The following EPM2A variants were observed in gnomAD, a reference collection of about 807,000 sequenced individuals.
EPM2A encodes the protein EPM2A glucan phosphatase, laforin, also known as laforin.
A neutral mutation model predicts 26.5 loss-of-function variants in EPM2A; 21 were observed. That is an observed-to-expected ratio of 0.79 (90% confidence interval 0.56 to 1.14). The LOEUF (loss-of-function observed/expected upper bound fraction) is 1.14. Among genes scored for constraint, EPM2A ranks in the 50% most tolerant of loss-of-function variants. The probability of loss-of-function intolerance (pLI) is 0.00; values close to 1 mark genes in which losing one functional copy is unlikely to be tolerated. For synonymous variants in EPM2A, 217 were observed against 177.6 expected (o/e 1.22, Z -1.76); for missense variants, 458 against 440.8 (o/e 1.04, Z -0.35).
At chr6:145,671,375 G>T in intron 2 of EPM2A, 1 of 995,960 alleles carries the variant, frequency 1.0e-6, no homozygotes, top group South Asian at 4.4e-5. Flanking sequence ...GGCACAACTG[G>T]AATTCAGGCC....
chr6:145,726,076 G>A (rs1036630783), intron 1 of EPM2A, among the ~76,000 whole-genome samples: 24 of 151,964 alleles, frequency 1.6e-4, no homozygotes, highest in African/African-American at 2.7e-4. Flanking sequence ...CAATTTTAGC[G>A]TGGAGGAAGG....
At chr6:145,400,899 GA>G (rs917929575) in intron 4 of EPM2A, among the ~76,000 whole-genome samples, 2 of 151,822 alleles carry the variant, frequency 1.3e-5, no homozygotes, top group African/African-American at 4.8e-5. Flanking sequence ...TCTTTAGAAA[GA>G]AAGCCCTCCT....
intron 2 of EPM2A, among the ~76,000 whole-genome samples, chr6:145,528,049 A>G (rs2114780668): frequency 6.6e-6 from 1 of 152,300 alleles, no homozygotes; most frequent in Non-Finnish European, 1.5e-5. Context: ...ACTAAAGCCT[A>G]ATCCAGAGCA....
intron 4 of EPM2A, among the ~76,000 whole-genome samples, chr6:145,474,939 G>C (rs184857105): frequency 6.6e-6 from 1 of 152,274 alleles, no homozygotes; most frequent in African/African-American, 2.4e-5. Context: ...ACATCAGTTA[G>C]AATGGCAATC....
At chr6:145,418,750 T>C (rs568417448) in intron 4 of EPM2A, among the ~76,000 whole-genome samples, 1 of 152,322 alleles carries the variant, frequency 6.6e-6, no homozygotes, top group African/African-American at 2.4e-5. Context: ...TTAAGCAGAA[T>C]GACATATAGA....
chr6:145,594,200 A>G (rs905009683), intron 2 of EPM2A, among the ~76,000 whole-genome samples: 7 of 151,876 alleles, frequency 4.6e-5, no homozygotes, highest in African/African-American at 1.7e-4. Flanking sequence ...ATAAAATACC[A>G]AAGCTCACAC....
At position 145,646,323 on chromosome 6, in the gene EPM2A, A is replaced by AT. The variant is rs1276585641; in HGVS notation, c.477-10838dup. Among the ~76,000 whole-genome samples the AT allele has an allele frequency of 9.9e-4, 146 of 148,122 alleles. 1 individual carries two copies. The highest frequency in any genetic ancestry group is 7.0e-3 in the Middle Eastern group (2 of 284). ...AGGCACGTGCCACCACGCTTGGCTA[A>AT]TTTTTTTTTTTAATTTTTTATTTTT... On this transcript the variant is annotated intron_variant, in intron 2 of 3. Transcript: ENST00000367519.
chr6:145,455,418 C>A (rs1467406937), intron 4 of EPM2A, among the ~76,000 whole-genome samples: 1 of 152,082 alleles, frequency 6.6e-6, no homozygotes, highest in African/African-American at 2.4e-5. Context: ...AGTACAGTGG[C>A]GGGATCTTGC....
At chr6:145,465,395 C>G (rs566118792) in intron 4 of EPM2A, among the ~76,000 whole-genome samples, 100 of 152,018 alleles carry the variant, frequency 6.6e-4, no homozygotes, top group African/African-American at 2.3e-3. Flanking sequence ...AAGTTTTCAA[C>G]TTCTTTGCCT....
chr6:145,410,718 G>C (rs766750865), intron 4 of EPM2A, among the ~76,000 whole-genome samples: 2 of 152,180 alleles, frequency 1.3e-5, no homozygotes, highest in Non-Finnish European at 2.9e-5. Context: ...AGAGAAGCTA[G>C]CTTTGGGGGA....
intron 2 of EPM2A, among the ~76,000 whole-genome samples, chr6:145,661,014 G>A (rs1778662340): frequency 6.6e-6 from 1 of 151,862 alleles, no homozygotes; most frequent in Admixed American, 6.6e-5. Context: ...AGGAAGAGAG[G>A]ACAAGAAAAG....
chr6:145,663,059 C>T (rs1382864840), intron 2 of EPM2A, among the ~76,000 whole-genome samples: 1 of 152,050 alleles, frequency 6.6e-6, no homozygotes, highest in Non-Finnish European at 1.5e-5. Context: ...CATGAGGAGT[C>T]ATACCTAATA....
chr6:145,515,710 TC>T (rs1451556991), intron 2 of EPM2A, among the ~76,000 whole-genome samples: 14 of 152,080 alleles, frequency 9.2e-5, no homozygotes, highest in African/African-American at 2.9e-4. Flanking sequence ...AACATATAAA[TC>T]TGGGGGGACA....
At chr6:145,562,123 A>G (rs1780814183) in intron 2 of EPM2A, among the ~76,000 whole-genome samples, 1 of 131,388 alleles carries the variant, frequency 7.6e-6, no homozygotes, top group African/African-American at 2.8e-5. Context: ...TTTGATTACA[A>G]AAAGGAAAAA....
chr6:145,389,451 C>G (rs549384121), intron 4 of EPM2A, among the ~76,000 whole-genome samples: 35 of 152,140 alleles, frequency 2.3e-4, no homozygotes, highest in Non-Finnish European at 4.4e-4. Flanking sequence ...TTTGGCCTCC[C>G]AAAGTGCTGG....
chr6:145,465,606 A>G (rs888154799), intron 4 of EPM2A, among the ~76,000 whole-genome samples: 2 of 150,722 alleles, frequency 1.3e-5, no homozygotes, highest in Non-Finnish European at 1.5e-5. Flanking sequence ...GGTTTTATCT[A>G]CTTTTGGTCT....
intron 4 of EPM2A, among the ~76,000 whole-genome samples, chr6:145,435,374 A>G (rs1427027071): frequency 3.3e-5 from 5 of 150,498 alleles, no homozygotes; most frequent in African/African-American, 1.2e-4. Flanking sequence ...AATCAATGAA[A>G]TGGGACAAAT....
intron 2 of EPM2A, among the ~76,000 whole-genome samples, chr6:145,554,459 G>GATAGATAGATAGATAGATACATAC (rs1187061981): frequency 2.0e-4 from 30 of 151,492 alleles, no homozygotes; most frequent in African/African-American, 6.8e-4. Context: ...TAGATAGATA[G>GATAGATAGATAGATAGATACATAC]ATAGATAGAT....
chr6:145,578,061 A>AT (rs1438610508), intron 2 of EPM2A, among the ~76,000 whole-genome samples: 1 of 152,102 alleles, frequency 6.6e-6, no homozygotes, highest in Non-Finnish European at 1.5e-5. Flanking sequence ...AAGTACTAAA[A>AT]GGGAAGTTTT....
Sources: allele counts gnomAD v4.1 joint callset (sites outside exome capture counted in the v4.1 genomes callset), GRCh38; gene constraint gnomAD v4.1.1; transcripts MANE v1.5; gene names NCBI Gene and HGNC (gene_info 2026-07-23, HGNC 2026-07-21).